ENPP3: variants seen among roughly 807,000 people sequenced by gnomAD.
ENPP3 encodes the protein ectonucleotide pyrophosphatase/phosphodiesterase family member 3.
In ENPP3, 104 loss-of-function variants were observed where a neutral mutation model predicts 117.8. The ratio of observed to expected loss-of-function variants is 0.88; its 90% CI spans 0.75 to 1.04. ENPP3 has a LOEUF of 1.04. Ranked by LOEUF, ENPP3 falls within the 50% of genes least tolerant of loss-of-function variation. The probability of loss-of-function intolerance (pLI) is 0.00; values close to 1 mark genes in which losing one functional copy is unlikely to be tolerated. For missense variants in ENPP3, 1,026 were observed against 1,051.9 expected (o/e 0.98, Z 0.34); for synonymous variants, 380 against 349.9 (o/e 1.09, Z -0.96).
chr6:131,658,039 C>T (rs1474008265), intron 5 of ENPP3, among the ~76,000 whole-genome samples: 1 of 151,506 alleles, frequency 6.6e-6, no homozygotes, highest in African/African-American at 2.4e-5. Context: ...ACTGTAATCC[C>T]AGCTACTCTG....
rs756599500 is a variant in ENPP3, at chr6:131,700,651, A to T, written c.1412+7027A>T. ...ACATACATGATAATGGCTGTGCCAT[A>T]AACGAGTCCAATCACACAGAGGTGG... On this transcript the variant is annotated intron_variant, in intron 15 of 24. Transcript: ENST00000357639. 16 of 1,558,260 alleles carry T rather than the reference A, an allele frequency of 1.0e-5. 3 individuals carry two copies. In the South Asian group the frequency reaches 1.7e-4, roughly 17 times the overall value.
At chr6:131,710,013 TC>T (rs774937974) in intron 15 of ENPP3, 1 of 1,606,064 alleles carries the variant, frequency 6.2e-7, no homozygotes, top group Non-Finnish European at 8.5e-7. Flanking sequence ...TAATGTGGTT[TC>T]TTTCTCCTTC....
At chr6:131,660,095 G>A (rs575707731) in intron 6 of ENPP3, among the ~76,000 whole-genome samples, 9 of 152,294 alleles carry the variant, frequency 5.9e-5, no homozygotes, top group African/African-American at 2.2e-4. Flanking sequence ...GGCAAAATAG[G>A]GCTGTTAGTT....
intron 5 of ENPP3, among the ~76,000 whole-genome samples, chr6:131,655,768 C>T (rs1200582613): frequency 6.6e-6 from 1 of 152,174 alleles, no homozygotes; most frequent in Non-Finnish European, 1.5e-5. Flanking sequence ...GGAGCAGCAT[C>T]CCAGAGAAAT....
intron 5 of ENPP3, among the ~76,000 whole-genome samples, 168 bp from the exon 6 acceptor site, chr6:131,658,153 CAA>C (rs199850108): frequency 3.1e-4 from 26 of 83,652 alleles, no homozygotes; most frequent in African/African-American, 3.0e-4. Context: ...AACTGTGTCT[CAA>C]AAAAAAAAAA....
chr6:131,729,439 A>T (rs185037857), intron 20 of ENPP3, among the ~76,000 whole-genome samples: 1 of 152,330 alleles, frequency 6.6e-6, no homozygotes, highest in African/African-American at 2.4e-5. Flanking sequence ...ACTTTGTTTC[A>T]ATGCCAGACT....
At position 131,737,414 on chromosome 6, in the gene ENPP3, A is replaced by G. The variant is rs536107862; in HGVS notation, c.2149A>G (p.Met717Val). 7 of 1,587,556 alleles carry G rather than the reference A, an allele frequency of 4.4e-6. No individual in the cohort carries two copies. The highest frequency in any genetic ancestry group is 1.3e-5 in the African/African-American group (1 of 74,492). The change falls in exon 22 of 25, where the codon ATG becomes GTG. Residue 717 changes from methionine (M) to valine (V), a missense_variant. Coordinates refer to ENST00000357639, the MANE Select transcript of ENPP3 (RefSeq NM_005021.5). ...TTTAATTACTAGCAATTTGGTACCT[A>G]TGTATGAAGAATTCAGAAGTAAGTA... ...DALITSNLVP[M>V]YEEFRKMWDY... is the part of the protein sequence containing the mutation.
intron 1 of ENPP3, among the ~76,000 whole-genome samples, chr6:131,638,785 C>G (rs1371922539): frequency 6.6e-6 from 1 of 151,818 alleles, no homozygotes; most frequent in Non-Finnish European, 1.5e-5. Flanking sequence ...TTTTGCCCAG[C>G]CTCTGTCACA....
rs371947513 is a variant in ENPP3 at position 131,671,253 on chromosome 6, T to G, written c.568T>G (p.Cys190Gly). The change falls in exon 7 of 25, where the codon TGT becomes GGT. Residue 190 changes from cysteine to glycine, a missense_variant. By Grantham distance (159) the Cys-to-Gly change is radical (BLOSUM62 -3). Transcript: ENST00000357639. ...CTCACCATATTCTGTTGCAGAAACA[T>G]GTGGAATTCATTCAAAATACATGAG... ...LMPNINKLKTCGIHSKYMRAM... is the reference protein window; with the variant it reads ...LMPNINKLKTGGIHSKYMRAM... 6.3e-7 allele frequency: 1 copy of G among 1,579,290 alleles called. No individual in the cohort carries two copies. The highest frequency in any genetic ancestry group is 1.7e-5 in the Admixed American group (1 of 59,666).
At chr6:131,730,350 A>G (rs1780249931) in intron 20 of ENPP3, among the ~76,000 whole-genome samples, 1 of 152,204 alleles carries the variant, frequency 6.6e-6, no homozygotes. Context: ...GAAAGAATAT[A>G]AACAAATGCT....
At chr6:131,640,135 T>G (rs572991234) in intron 1 of ENPP3, among the ~76,000 whole-genome samples, 16 of 152,226 alleles carry the variant, frequency 1.1e-4, no homozygotes, top group Non-Finnish European at 2.1e-4. Flanking sequence ...TAGATGTTGT[T>G]GATTTTTCTA....
chr6:131,678,188 T>C (rs1778912800), intron 11 of ENPP3, among the ~76,000 whole-genome samples: 1 of 152,190 alleles, frequency 6.6e-6, no homozygotes, highest in Non-Finnish European at 1.5e-5. Context: ...TGAAAAGCCC[T>C]CATTGAATAT....
Position 131,652,823 on chromosome 6 carries a change from C to G in ENPP3, c.404-8C>G, listed in dbSNP as rs766640102. On this transcript the variant is annotated splice_region_variant and splice_polypyrimidine_tract_variant and intron_variant, in intron 4 of 24. Coordinates refer to ENST00000357639, the MANE Select transcript of ENPP3 (RefSeq NM_005021.5). ...CAAGTATCAAGATTTTGATCTTATG[C>G]TTTTCAGGAGAAACCTCATGGCTGG... The G allele has an allele frequency of 6.2e-7, 1 of 1,611,998 alleles. No individual in the cohort carries two copies. Among genetic ancestry groups the G allele is most frequent in the Non-Finnish European group, 8.5e-7 (1 of 1,178,140 alleles).
chr6:131,724,226 T>TAAA (rs397941468), intron 19 of ENPP3, 135 bp downstream of exon 19: 20 of 424,172 alleles, frequency 4.7e-5, no homozygotes, highest in East Asian at 2.4e-4. Flanking sequence ...ATACAAAAGG[T>TAAA]AAAAAAAAAA....
At chr6:131,746,754 G>GAA in intron 24 of ENPP3, 32 bp from the exon 25 acceptor site, 1 of 1,552,758 alleles carries the variant, frequency 6.4e-7, no homozygotes, top group Non-Finnish European at 8.7e-7. Flanking sequence ...ACTGCCTTGT[G>GAA]AAAAAAAAAG....
chr6:131,693,710 A>T (rs934229489), intron 15 of ENPP3, 86 bp downstream of exon 15: 1 of 1,311,742 alleles, frequency 7.6e-7, no homozygotes, highest in Non-Finnish European at 1.1e-6. Flanking sequence ...TGCTATTATC[A>T]TCACTGTGAA....
chr6:131,648,001 C>CTT (rs10658998), intron 2 of ENPP3, among the ~76,000 whole-genome samples: 5,428 of 152,100 alleles, frequency 0.036, 317 homozygotes, highest in African/African-American at 0.12. Context: ...CTTTCTTTAT[C>CTT]TCTTTCCTTA....
intron 11 of ENPP3, among the ~76,000 whole-genome samples, chr6:131,682,330 C>CA (rs1245571602): frequency 2.6e-4 from 40 of 151,886 alleles, no homozygotes; most frequent in African/African-American, 9.4e-4. Flanking sequence ...CGAATCTCTA[C>CA]AAAAAATTAA....
At chr6:131,703,682 G>A (rs927462426) in intron 15 of ENPP3, among the ~76,000 whole-genome samples, 32 of 149,756 alleles carry the variant, frequency 2.1e-4, no homozygotes, top group Non-Finnish European at 4.1e-4. Context: ...ATATAGAAAA[G>A]GCAAACATTT....
Sources: allele counts gnomAD v4.1 joint callset (sites outside exome capture counted in the v4.1 genomes callset), GRCh38; gene constraint gnomAD v4.1.1; transcripts MANE v1.5; gene names NCBI Gene and HGNC (gene_info 2026-07-23, HGNC 2026-07-21).